Variants in PCDHGB5 observed in about 807,000 individuals in gnomAD.
PCDHGB5 encodes the protein protocadherin gamma subfamily B, 5, also known as protocadherin gamma-B5.
Under a neutral mutation model 62.9 loss-of-function variants are expected in PCDHGB5, and 48 were observed. That is an observed-to-expected ratio of 0.76 (90% CI 0.61 to 0.97). PCDHGB5 has a LOEUF of 0.97. Among genes scored for constraint, PCDHGB5 ranks in the 50% least tolerant of loss-of-function variants. The probability of loss-of-function intolerance (pLI) is 0.00; values close to 1 mark genes in which losing one functional copy is unlikely to be tolerated. For synonymous variants in PCDHGB5, 474 were observed against 511.2 expected (o/e 0.93, Z 0.98); for missense variants, 1,118 against 1,198.6 (o/e 0.93, Z 0.99).
At chr5:141,438,334 A>G (rs756299924) in intron 1 of PCDHGB5, among the ~76,000 whole-genome samples, 6 of 151,946 alleles carry the variant, frequency 3.9e-5, no homozygotes, top group Non-Finnish European at 7.4e-5. Context: ...TATACATGTC[A>G]TATAAGGATC....
intron 2 of PCDHGB5, among the ~76,000 whole-genome samples, chr5:141,495,720 G>A (rs1048453188): frequency 2.6e-5 from 4 of 152,080 alleles, no homozygotes; most frequent in Non-Finnish European, 5.9e-5. Context: ...GTAACTACAC[G>A]GGACCCTTAG....
Position 141,511,403 on chromosome 5 carries a change from AC to A in PCDHGB5, c.*231del. ...TCCGCTGGGAACCCCCATCCAATCA[AC>A]TGCTGTACCCATGGGGGTAGTGGGG... is the stretch of plus-strand genomic sequence containing the variant. On this transcript the variant is annotated 3_prime_UTR_variant, in exon 4 of 4. Coordinates refer to ENST00000617380, the MANE Select transcript of PCDHGB5 (RefSeq NM_018925.3). 1.1e-6 allele frequency: 1 copy of A among 939,022 alleles called. No homozygotes were observed. The highest frequency in any genetic ancestry group is 1.5e-6 in the Non-Finnish European group (1 of 650,838). The allele number at this position is 939,022 out of a possible 1,614,324, so 58.2% of individuals were successfully genotyped here. A position where few individuals can be genotyped will look rare whatever the true frequency, so the allele number is the denominator to read the frequency against.
chr5:141,400,590 T>A, intron 1 of PCDHGB5, 66 bp downstream of exon 1: 3 of 1,604,846 alleles, frequency 1.9e-6, no homozygotes, highest in Non-Finnish European at 2.6e-6. Context: ...CATGAAACTA[T>A]CGTACATTTT....
chr5:141,405,677 C>T (rs1204978047), intron 1 of PCDHGB5, among the ~76,000 whole-genome samples: 3 of 152,088 alleles, frequency 2.0e-5, no homozygotes, highest in African/African-American at 7.2e-5. Context: ...GGGGTGTCAC[C>T]ATGTTGGCCA....
intron 1 of PCDHGB5, chr5:141,403,929 G>T: frequency 6.2e-7 from 1 of 1,613,854 alleles, no homozygotes; most frequent in Non-Finnish European, 8.5e-7. Flanking sequence ...GATGGTGGGG[G>T]ATTGAAAGGG....
At position 141,489,876 on chromosome 5, in the gene PCDHGB5, T is replaced by C. The variant is rs2099693265; in HGVS notation, c.2398-4931T>C. ...CCCAGGCAAGACATCAGCTGGTGCT[T>C]ACTGCTGTGGATGGGGGGACCCCAG... On this transcript the variant is annotated intron_variant, in intron 1 of 3. Transcript: ENST00000617380. This position sits in a 1 kb window ranked among gnomAD's most constrained non-coding sequence, Gnocchi z 4.5. The C allele has an allele frequency of 6.2e-7, 1 of 1,614,098 alleles. No homozygotes were observed. The highest frequency in any genetic ancestry group is 1.1e-5 in the South Asian group (1 of 91,094).
chr5:141,410,797 CTCTA>C (rs375585060), intron 1 of PCDHGB5: 18 of 676,000 alleles, frequency 2.7e-5, no homozygotes, highest in Middle Eastern at 9.7e-4. Context: ...TCATAAGTTG[CTCTA>C]TCTTTTTGTA....
At chr5:141,419,302 C>T in intron 1 of PCDHGB5, 1 of 1,614,024 alleles carries the variant, frequency 6.2e-7, no homozygotes, top group East Asian at 2.2e-5. Context: ...ACCCAGACTT[C>T]GGGCTCAACG....
chr5:141,499,881 T>A (rs2099795027), intron 2 of PCDHGB5, among the ~76,000 whole-genome samples: 1 of 152,082 alleles, frequency 6.6e-6, no homozygotes, highest in African/African-American at 2.4e-5. Flanking sequence ...ACAAACAGGG[T>A]TTCGCCATGT....
At position 141,427,625 on chromosome 5, in the gene PCDHGB5, T is replaced by G. The variant is rs150347956; in HGVS notation, c.2397+27101T>G. On this transcript the variant is annotated intron_variant, in intron 1 of 3. Coordinates refer to ENST00000617380, the MANE Select transcript of PCDHGB5 (RefSeq NM_018925.3). Reference sequence around the variant, plus strand: ...GCATTGGTGAAGTCAACGACAATGCTCCGGTTTTCCACCAAGTCTCCTACG... The same window carrying G: ...GCATTGGTGAAGTCAACGACAATGCGCCGGTTTTCCACCAAGTCTCCTACG... The G allele has an allele frequency of 2.7e-3, 1,907 of 699,068 alleles. 5 individuals are homozygous for G. The highest frequency in any genetic ancestry group is 4.1e-3 in the Non-Finnish European group (1,558 of 384,098). The allele number at this position is 699,068 out of a possible 1,614,324, so 43.3% of individuals were successfully genotyped here.
At chr5:141,484,102 A>T (rs1404220648) in intron 1 of PCDHGB5, among the ~76,000 whole-genome samples, 1 of 152,206 alleles carries the variant, frequency 6.6e-6, no homozygotes, top group African/African-American at 2.4e-5. Flanking sequence ...GTTGGTAATT[A>T]ACAAAAGATC....
chr5:141,478,106 G>A (rs1474192496), intron 1 of PCDHGB5: 1 of 1,613,928 alleles, frequency 6.2e-7, no homozygotes, highest in Non-Finnish European at 8.5e-7. Context: ...TACCCTCACT[G>A]TGTCAGTAAC....
At chr5:141,401,802 A>C (rs1030250595) in intron 1 of PCDHGB5, among the ~76,000 whole-genome samples, 162 of 152,148 alleles carry the variant, frequency 1.1e-3, no homozygotes, top group African/African-American at 3.7e-3. Context: ...TGATTCAGTA[A>C]ATGGGTTCCT....
At chr5:141,404,198 T>G in intron 1 of PCDHGB5, 1 of 1,613,554 alleles carries the variant, frequency 6.2e-7, no homozygotes, top group Non-Finnish European at 8.5e-7. Flanking sequence ...AGAAAAAGCC[T>G]CAGAATATAA....
chr5:141,489,900 A>G lies in PCDHGB5; in HGVS notation c.2398-4907A>G, dbSNP rs963522810. The stretch of plus-strand genomic sequence containing the variant: ...TTACTGCTGTGGATGGGGGGACCCC[A>G]GCCCGCTCAGGGACCACCCTTATCT... On this transcript the variant is annotated intron_variant, in intron 1 of 3. Transcript: ENST00000617380. The surrounding 1 kb of genome is among the most constrained non-coding windows in gnomAD (Gnocchi z 4.5). The G allele has an allele frequency of 1.9e-6, 3 of 1,614,254 alleles. No homozygotes were observed. The highest frequency in any genetic ancestry group is 1.7e-5 in the Admixed American group (1 of 60,026).
chr5:141,422,976 G>A lies in PCDHGB5; in HGVS notation c.2397+22452G>A, dbSNP rs558006468. On this transcript the variant is annotated intron_variant, in intron 1 of 3. Transcript: ENST00000617380. The stretch of plus-strand genomic sequence containing the variant: ...GCGTGGAGCTGGCGCCCCGCTCTGC[G>A]GAACCTGGCTACCTGGTGACCAAGG... 27 of 1,614,212 alleles carry A rather than the reference G, an allele frequency of 1.7e-5. No homozygotes were observed. In the East Asian group the frequency reaches 4.7e-4, roughly 28 times the overall value.
chr5:141,474,208 A>C (rs1243312558), intron 1 of PCDHGB5, among the ~76,000 whole-genome samples: 1 of 152,242 alleles, frequency 6.6e-6, no homozygotes, highest in Non-Finnish European at 1.5e-5. Context: ...TGATTTTCAA[A>C]AACCAGATTG....
intron 1 of PCDHGB5, chr5:141,413,734 C>A: frequency 6.2e-7 from 1 of 1,613,422 alleles, no homozygotes; most frequent in Non-Finnish European, 8.5e-7. Context: ...CCTAAGAGTT[C>A]AGAGCCGTGC....
intron 1 of PCDHGB5, among the ~76,000 whole-genome samples, chr5:141,464,203 T>G (rs2099077714): frequency 6.6e-6 from 1 of 150,780 alleles, no homozygotes; most frequent in South Asian, 2.1e-4. Flanking sequence ...AGGCGGAGAT[T>G]GCAGTGAGCT....
Sources: allele counts gnomAD v4.1 joint callset (sites outside exome capture counted in the v4.1 genomes callset), GRCh38; gene constraint gnomAD v4.1.1; non-coding constraint Gnocchi (gnomAD v3.1); transcripts MANE v1.5; gene names NCBI Gene and HGNC (gene_info 2026-07-23, HGNC 2026-07-21).